TUSC3: variants seen among roughly 807,000 people sequenced by gnomAD.
TUSC3 encodes the protein tumor suppressor candidate 3, also known as dolichyl-diphosphooligosaccharide--protein glycosyltransferase subunit TUSC3.
Under a neutral mutation model 44.8 loss-of-function variants are expected in TUSC3, and 45 were observed. The ratio of observed to expected loss-of-function variants is 1.00; its 90% confidence interval spans 0.79 to 1.29. TUSC3 has a LOEUF of 1.29. TUSC3 is among the 50% of genes most tolerant of loss of function. The probability of loss-of-function intolerance (pLI) is 0.00; values close to 1 mark genes in which losing one functional copy is unlikely to be tolerated. For synonymous variants in TUSC3, 212 were observed against 152.9 expected, an observed-to-expected ratio of 1.39 and a Z score of -2.85; for missense variants, 519 against 437.9, an observed-to-expected ratio of 1.19 and a Z score of -1.65.
intron 2 of TUSC3, among the ~76,000 whole-genome samples, chr8:15,494,832 T>C (rs958535718): frequency 6.6e-6 from 1 of 152,230 alleles, no homozygotes; most frequent in African/African-American, 2.4e-5. Flanking sequence ...CTTGTGTAAC[T>C]GCAAGCTCTT....
At position 15,540,584 on chromosome 8, in the gene TUSC3, T is replaced by A. The variant is rs1231246390; in HGVS notation, c.138+16T>A. 6.4e-7 allele frequency: 1 copy of A among 1,551,348 alleles called. No homozygotes were observed. Among genetic ancestry groups the A allele is most frequent in the African/African-American group, 1.4e-5 (1 of 70,842 alleles). On this transcript the variant is annotated intron_variant, in intron 1 of 10. Coordinates refer to ENST00000503731, the MANE Select transcript of TUSC3 (RefSeq NM_006765.4). ...GAAAAAGGAGGTAGAATGGATCCCC[T>A]TGGCCTTCCCCTGTGGGCGGGGGCG... is the stretch of plus-strand genomic sequence containing the variant.
intron 1 of TUSC3, among the ~76,000 whole-genome samples, chr8:15,581,788 C>G (rs1356438749): frequency 1.5e-5 from 2 of 137,910 alleles, no homozygotes; most frequent in African/African-American, 5.8e-5. Context: ...TGTGCCCTGC[C>G]CCCAGAGGTG....
intron 2 of TUSC3, among the ~76,000 whole-genome samples, chr8:15,501,650 G>A (rs962404137): frequency 6.6e-6 from 1 of 152,170 alleles, no homozygotes; most frequent in Non-Finnish European, 1.5e-5. Flanking sequence ...AGGTACTCAA[G>A]CAGTTTCGTC....
chr8:15,795,308 A>G, the TUSC3 span, among the ~76,000 whole-genome samples: 10 of 152,316 alleles, frequency 6.6e-5, no homozygotes, highest in African/African-American at 2.2e-4. Flanking sequence ...GGACAATTGT[A>G]TAATCCATAA....
the TUSC3 span, among the ~76,000 whole-genome samples, chr8:15,798,648 G>T: frequency 1.5e-5 from 2 of 135,350 alleles, 1 homozygote; most frequent in South Asian, 4.8e-4. Flanking sequence ...TCCTGGGTGT[G>T]TGGGGGGGGT....
Position 15,740,581 on chromosome 8 carries a change from A to C in TUSC3, c.863-2957A>C, listed in dbSNP as rs548500754. 2.6e-5 allele frequency among the ~76,000 whole-genome samples: 4 copies of C among 152,244 alleles called. No homozygotes were observed. The East Asian group carries it at 7.7e-4, about 29-fold the overall frequency. On this transcript the variant is annotated intron_variant, in intron 7 of 10. Coordinates refer to ENST00000503731, the MANE Select transcript of TUSC3 (RefSeq NM_006765.4). ...CAAAAAAGAGGAATGAACATATCAA[A>C]AGATGCTCAGAACCAAGTGGTGAGC...
At chr8:15,457,319 A>T (rs1370956631) in intron 1 of TUSC3, among the ~76,000 whole-genome samples, 2 of 151,824 alleles carry the variant, frequency 1.3e-5, no homozygotes, top group African/African-American at 4.8e-5. Flanking sequence ...AGTATAATAA[A>T]AATATATATA....
intron 1 of TUSC3, among the ~76,000 whole-genome samples, chr8:15,549,886 A>G (rs1013537248): frequency 5.3e-5 from 8 of 151,690 alleles, no homozygotes; most frequent in African/African-American, 1.9e-4. Flanking sequence ...ACTGAATTGT[A>G]GAAGGAAAGG....
At chr8:15,792,315 A>G in the TUSC3 span, among the ~76,000 whole-genome samples, 2 of 152,220 alleles carry the variant, frequency 1.3e-5, no homozygotes, top group African/African-American at 2.4e-5. Context: ...AACAAGAAAC[A>G]TGCATAGTGG....
chr8:15,435,492 A>G (rs1351809514), intron 1 of TUSC3, among the ~76,000 whole-genome samples: 2 of 152,212 alleles, frequency 1.3e-5, no homozygotes, highest in African/African-American at 2.4e-5. Flanking sequence ...TTGATGATGC[A>G]TGCATATTTC....
the TUSC3 span, among the ~76,000 whole-genome samples, chr8:15,824,195 G>A: frequency 6.6e-6 from 1 of 152,068 alleles, no homozygotes; most frequent in Non-Finnish European, 1.5e-5. Flanking sequence ...TCACAGAAGT[G>A]GAAGATATCT....
intron 1 of TUSC3, among the ~76,000 whole-genome samples, chr8:15,562,129 G>A (rs1802498525): frequency 6.6e-6 from 1 of 152,156 alleles, no homozygotes; most frequent in Admixed American, 6.5e-5. Context: ...CAGAGATCTT[G>A]GAGATAAGAA....
At chr8:15,698,552 G>A (rs933168107) in intron 6 of TUSC3, among the ~76,000 whole-genome samples, 6 of 152,050 alleles carry the variant, frequency 3.9e-5, no homozygotes, top group African/African-American at 1.4e-4. Flanking sequence ...GTTCAGAAAT[G>A]TCTTTATTAT....
chr8:15,520,498 C>A (rs1457776938), intron 2 of TUSC3, among the ~76,000 whole-genome samples: 1 of 152,120 alleles, frequency 6.6e-6, no homozygotes, highest in African/African-American at 2.4e-5. Flanking sequence ...ATTTAAATGG[C>A]ATTTATCTAT....
At chr8:15,587,110 A>C (rs1803634206) in intron 1 of TUSC3, among the ~76,000 whole-genome samples, 2 of 152,064 alleles carry the variant, frequency 1.3e-5, no homozygotes, top group African/African-American at 2.4e-5. Flanking sequence ...TTTGTCCTGA[A>C]ACAAATTATT....
At chr8:15,637,535 TTTCTC>T (rs1466736872) in intron 2 of TUSC3, among the ~76,000 whole-genome samples, 14 of 152,214 alleles carry the variant, frequency 9.2e-5, no homozygotes, top group Non-Finnish European at 1.8e-4. Context: ...TTGTTTCAGT[TTTCTC>T]TTCATGATTT....
the TUSC3 span, among the ~76,000 whole-genome samples, chr8:15,804,877 G>C: frequency 2.1e-4 from 32 of 152,152 alleles, no homozygotes; most frequent in Admixed American, 5.9e-4. Context: ...AATGAAATTG[G>C]TAGTTTGATA....
chr8:15,492,837 T>C (rs1390296751), intron 2 of TUSC3, among the ~76,000 whole-genome samples: 1 of 152,132 alleles, frequency 6.6e-6, no homozygotes, highest in Admixed American at 6.5e-5. Context: ...TGAGTTTTTA[T>C]CTTTGCATAT....
chr8:15,685,377 A>G (rs772676126), intron 6 of TUSC3, among the ~76,000 whole-genome samples: 2 of 151,726 alleles, frequency 1.3e-5, no homozygotes, highest in Non-Finnish European at 2.9e-5. Context: ...TCTCTTCTCT[A>G]TTGACTTGAT....
Sources: gnomAD v4.1 joint callset for allele counts (sites outside exome capture counted in the v4.1 genomes callset) on GRCh38, gnomAD v4.1.1 for gene constraint, MANE v1.5 for transcripts, NCBI Gene and HGNC (gene_info 2026-07-23, HGNC 2026-07-21) for gene names.